SPOCK1: variants seen among roughly 807,000 people sequenced by gnomAD.
SPOCK1 encodes testican-1.
A neutral mutation model predicts 55.3 loss-of-function variants in SPOCK1; 23 were observed. The ratio of observed to expected loss-of-function variants is 0.42; its 90% CI spans 0.30 to 0.59. SPOCK1 has a LOEUF of 0.59. SPOCK1 is among the 20% of genes least tolerant of loss of function. The probability of loss-of-function intolerance (pLI) is 0.22; values close to 1 mark genes in which losing one functional copy is unlikely to be tolerated. For missense variants in SPOCK1, 499 were observed against 552.5 expected, an observed-to-expected ratio of 0.90 and a Z score of 0.97; for synonymous variants, 226 against 221.0, an observed-to-expected ratio of 1.02 and a Z score of -0.20.
chr5:137,313,850 G>C (rs1408826104), intron 2 of SPOCK1, among the ~76,000 whole-genome samples: 1 of 150,830 alleles, frequency 6.6e-6, no homozygotes, highest in African/African-American at 2.4e-5. Flanking sequence ...CATCCTGGGG[G>C]AAATGAAGAA....
intron 3 of SPOCK1, among the ~76,000 whole-genome samples, chr5:137,223,602 A>C (rs113694782): frequency 0.012 from 1,845 of 152,336 alleles, 46 homozygotes; most frequent in African/African-American, 0.041. Context: ...TGTGAGACCC[A>C]GGTTTCAACA....
intron 2 of SPOCK1, among the ~76,000 whole-genome samples, chr5:137,344,824 T>TA (rs150867026): frequency 6.6e-6 from 1 of 152,304 alleles, no homozygotes; most frequent in East Asian, 1.9e-4. Flanking sequence ...TGCCATTTTT[T>TA]AAAAAAACAA....
At position 137,316,541 on chromosome 5, in the gene SPOCK1, T is replaced by G. The variant is rs1333234953; in HGVS notation, c.187-49486A>C. Reference sequence around the variant, plus strand: ...GAACCTGCCAGTTGAATCCCCTCTCTGCTAGCTTCCAGGCCCACAACCAGG... The same window carrying G: ...GAACCTGCCAGTTGAATCCCCTCTCGGCTAGCTTCCAGGCCCACAACCAGG... On this transcript the variant is annotated intron_variant, in intron 2 of 10. Coordinates refer to ENST00000394945, the MANE Select transcript of SPOCK1 (RefSeq NM_004598.4). 2.0e-5 allele frequency among the ~76,000 whole-genome samples: 3 copies of G among 152,214 alleles called. No homozygotes were observed. In the South Asian group the frequency reaches 6.2e-4, roughly 32 times the overall value.
Position 137,189,937 on chromosome 5 carries a change from A to C in SPOCK1, c.233-49243T>G, listed in dbSNP as rs2117403. ...GACTTTGAGGGGTACAAGACTTCATAATAGGAAGTAACTACAGATGTGGAG... is the reference window on the plus strand; with the variant it reads ...GACTTTGAGGGGTACAAGACTTCATCATAGGAAGTAACTACAGATGTGGAG... On this transcript the variant is annotated intron_variant, in intron 3 of 10. Coordinates refer to ENST00000394945, the MANE Select transcript of SPOCK1 (RefSeq NM_004598.4). 8.5e-3 allele frequency among the ~76,000 whole-genome samples: 1,293 copies of C among 151,510 alleles called. 21 individuals are homozygous for C. Among genetic ancestry groups the C allele is most frequent in the African/African-American group, 0.029 (1,195 of 41,428 alleles).
chr5:137,040,905 G>C (rs1455633214), intron 6 of SPOCK1, among the ~76,000 whole-genome samples: 3 of 152,178 alleles, frequency 2.0e-5, no homozygotes, highest in Admixed American at 6.5e-5. Flanking sequence ...TAAGCAGTCA[G>C]CAAGTGATAA....
chr5:137,318,045 A>G (rs1757913431), intron 2 of SPOCK1, among the ~76,000 whole-genome samples: 1 of 152,218 alleles, frequency 6.6e-6, no homozygotes, highest in African/African-American at 2.4e-5. Flanking sequence ...ACACAAGCAC[A>G]AATGAATTCA....
chr5:137,132,020 A>ATATATATATAT (rs1491415264), intron 4 of SPOCK1, among the ~76,000 whole-genome samples: 1 of 84,276 alleles, frequency 1.2e-5, no homozygotes, highest in African/African-American at 4.7e-5. Context: ...ATATATATAT[A>ATATATATATAT]AAAAATTAGC....
rs554899384 is a variant in SPOCK1 at position 137,150,161 on chromosome 5, T to A, written c.233-9467A>T. 2.6e-5 allele frequency among the ~76,000 whole-genome samples: 4 copies of A among 152,242 alleles called. No homozygotes were observed. The South Asian group carries it at 6.2e-4, about 24-fold the overall frequency. On this transcript the variant is annotated intron_variant, in intron 3 of 10. Transcript: ENST00000394945. ...TTCAGTCTTTCCAATCTCAAAATGG[T>A]AAACTCTATAAGAAGAAACATTAAA...
chr5:136,996,114 T>C (rs1751035744), intron 6 of SPOCK1, among the ~76,000 whole-genome samples: 1 of 152,198 alleles, frequency 6.6e-6, no homozygotes, highest in African/African-American at 2.4e-5. Context: ...AGTGCCTGCC[T>C]TTTAAGGTGC....
Position 137,150,884 on chromosome 5 carries a change from A to C in SPOCK1, c.233-10190T>G, listed in dbSNP as rs1370734210. 3.9e-5 allele frequency among the ~76,000 whole-genome samples: 6 copies of C among 152,156 alleles called. No homozygotes were observed. In the East Asian group the frequency reaches 1.2e-3, roughly 29 times the overall value. On this transcript the variant is annotated intron_variant, in intron 3 of 10. Coordinates refer to ENST00000394945, the MANE Select transcript of SPOCK1 (RefSeq NM_004598.4). The stretch of plus-strand genomic sequence containing the variant: ...GGTCACTTCTGCAGTATGGCAGCCT[A>C]TGGAACACAGCTTCAGTGGAGCACT...
intron 4 of SPOCK1, among the ~76,000 whole-genome samples, chr5:137,125,840 T>G (rs955468312): frequency 1.3e-5 from 2 of 152,184 alleles, no homozygotes; most frequent in Non-Finnish European, 2.9e-5. Flanking sequence ...CGAGTCTGAA[T>G]GTGCATGCTG....
intron 2 of SPOCK1, among the ~76,000 whole-genome samples, chr5:137,435,248 A>T (rs1752835962): frequency 6.6e-6 from 1 of 152,220 alleles, no homozygotes; most frequent in Admixed American, 6.5e-5. Context: ...CTATGGTTGC[A>T]TCTCTAATTA....
chr5:137,410,847 A>C (rs1249271335), intron 2 of SPOCK1, among the ~76,000 whole-genome samples: 1 of 152,210 alleles, frequency 6.6e-6, no homozygotes, highest in Non-Finnish European at 1.5e-5. Context: ...GACAGGCAGC[A>C]ATGCACTGGG....
chr5:137,244,590 T>A (rs748067744), intron 3 of SPOCK1, among the ~76,000 whole-genome samples: 17 of 152,220 alleles, frequency 1.1e-4, no homozygotes, highest in African/African-American at 1.7e-4. Flanking sequence ...CAGGAGAATG[T>A]GAAATCTGTG....
chr5:137,455,282 G>A (rs1438930938), intron 2 of SPOCK1, among the ~76,000 whole-genome samples: 1 of 152,132 alleles, frequency 6.6e-6, no homozygotes, highest in African/African-American at 2.4e-5. Context: ...AGTTATCTGA[G>A]GCCAGAAAAG....
intron 5 of SPOCK1, among the ~76,000 whole-genome samples, chr5:137,102,461 G>A (rs1280805992): frequency 1.3e-5 from 2 of 152,084 alleles, no homozygotes; most frequent in African/African-American, 2.4e-5. Flanking sequence ...GGAAAGAAAC[G>A]GAGTGGTGGC....
At chr5:137,273,714 C>T in intron 2 of SPOCK1, among the ~76,000 whole-genome samples, 1 of 152,164 alleles carries the variant, frequency 6.6e-6, no homozygotes. Context: ...TGATTACCAT[C>T]CACAAGAATT....
chr5:137,474,541 T>C (rs554855804), intron 2 of SPOCK1, among the ~76,000 whole-genome samples: 123 of 152,280 alleles, frequency 8.1e-4, no homozygotes, highest in Middle Eastern at 3.4e-3. Context: ...AGCCCCCAGA[T>C]CTTGGTTTAT....
intron 2 of SPOCK1, among the ~76,000 whole-genome samples, chr5:137,311,599 G>A: frequency 2.0e-5 from 3 of 152,084 alleles, no homozygotes; most frequent in African/African-American, 7.2e-5. Context: ...TTTTCCTTCA[G>A]TCTAATCTTT....
Sources: allele counts gnomAD v4.1 joint callset (sites outside exome capture counted in the v4.1 genomes callset), GRCh38; gene constraint gnomAD v4.1.1; transcripts MANE v1.5; gene names NCBI Gene and HGNC (gene_info 2026-07-23, HGNC 2026-07-21).